The following APBB2 variants were observed in gnomAD, a reference collection of about 807,000 sequenced individuals.
APBB2 encodes amyloid beta precursor protein binding family B member 2.
Under a neutral mutation model 82.5 loss-of-function variants are expected in APBB2, and 38 were observed. The observed-to-expected ratio is 0.46, with a 90% CI of 0.36 to 0.60. The LOEUF (loss-of-function observed/expected upper bound fraction) is 0.60. Ranked by LOEUF, APBB2 falls within the 20% of genes least tolerant of loss-of-function variation. The probability of loss-of-function intolerance (pLI) is 0.00; values close to 1 mark genes in which losing one functional copy is unlikely to be tolerated. For missense variants in APBB2, 772 were observed against 972.3 expected (o/e 0.79, Z 2.74); for synonymous variants, 341 against 368.2 (o/e 0.93, Z 0.85).
chr4:41,006,370 C>A (rs1806735662), intron 6 of APBB2, among the ~76,000 whole-genome samples: 1 of 152,204 alleles, frequency 6.6e-6, no homozygotes, highest in African/African-American at 2.4e-5. Flanking sequence ...AACAGGAAGG[C>A]TAGTGAGTCA....
In APBB2 at chr4:41,013,955, G is replaced by T. The variant is rs2154429767; in HGVS notation, c.463C>A (p.Pro155Thr). The T allele has an allele frequency of 1.2e-6, 2 of 1,614,198 alleles. No homozygotes were observed. Among genetic ancestry groups the T allele is most frequent in the East Asian group, 4.5e-5 (2 of 44,880 alleles). The change falls in exon 6 of 18, where the codon CCC becomes ACC. Residue 155 changes from proline to threonine, a missense_variant. Pro to Thr is a conservative substitution (Grantham distance 38). Coordinates refer to ENST00000508593, the MANE Select transcript of APBB2 (RefSeq NM_004307.2). ...SSSCEILPSQ[P>T]RRTKSFLNYY... Reference sequence around the variant, plus strand: ...TTTAGGAAGCTCTTAGTTCTCCTGGGCTGGGAGGGTAAAATCTCACAGCTC... The same window carrying T: ...TTTAGGAAGCTCTTAGTTCTCCTGGTCTGGGAGGGTAAAATCTCACAGCTC...
intron 4 of APBB2, among the ~76,000 whole-genome samples, chr4:41,054,688 C>A (rs937233567): frequency 2.6e-5 from 4 of 152,078 alleles, no homozygotes; most frequent in African/African-American, 4.8e-5. Flanking sequence ...GTTCTTCTCT[C>A]TATATAAAGT....
rs1198337141 is a variant in APBB2 at position 40,826,648 on chromosome 4, TC to T, written c.1732+483del. The T allele has an allele frequency of 6.4e-6, 1 of 156,726 alleles. No individual in the cohort carries two copies. The highest frequency in any genetic ancestry group is 1.9e-4 in the East Asian group (1 of 5,240). 9.7% of individuals were successfully genotyped at this position (156,726 alleles called of 1,614,324 possible). On this transcript the variant is annotated intron_variant, in intron 14 of 17. Coordinates refer to ENST00000508593, the MANE Select transcript of APBB2 (RefSeq NM_004307.2). This position sits in a 1 kb window ranked among gnomAD's most constrained non-coding sequence, Gnocchi z 4.5. ...GAACCACCGCGCCTGGCCCATGTTT[TC>T]TTTTTTTAAGATTAGTCAAGTATAG...
intron 2 of APBB2, among the ~76,000 whole-genome samples, chr4:41,104,353 G>A (rs998700365): frequency 6.6e-6 from 1 of 152,188 alleles, no homozygotes; most frequent in Non-Finnish European, 1.5e-5. Context: ...ATCACATTAA[G>A]AACTGAAGGC....
At chr4:40,954,903 G>A (rs909535967) in intron 6 of APBB2, among the ~76,000 whole-genome samples, 19 of 152,040 alleles carry the variant, frequency 1.2e-4, no homozygotes, top group Non-Finnish European at 2.4e-4. Context: ...CGCCCGCCTC[G>A]GCCTCCCTAA....
At chr4:40,971,662 A>G (rs1473262186) in intron 6 of APBB2, among the ~76,000 whole-genome samples, 1 of 152,224 alleles carries the variant, frequency 6.6e-6, no homozygotes, top group Non-Finnish European at 1.5e-5. Flanking sequence ...AGAACTTAAG[A>G]GGCCTGAAGG....
chr4:41,064,074 G>T (rs994120511), intron 4 of APBB2, among the ~76,000 whole-genome samples: 1 of 150,114 alleles, frequency 6.7e-6, no homozygotes, highest in African/African-American at 2.5e-5. Flanking sequence ...CGCTTCCCGG[G>T]TTCACGCCAT....
intron 1 of APBB2, among the ~76,000 whole-genome samples, chr4:41,189,018 T>C (rs983797904): frequency 2.0e-5 from 3 of 152,134 alleles, no homozygotes; most frequent in African/African-American, 7.2e-5. Flanking sequence ...CCCTTACAAT[T>C]CAGCAATCCT....
chr4:41,173,897 T>C (rs1354201172), intron 1 of APBB2, among the ~76,000 whole-genome samples: 1 of 152,210 alleles, frequency 6.6e-6, no homozygotes, highest in Non-Finnish European at 1.5e-5. Flanking sequence ...AAGTATTATA[T>C]GCCACAATAC....
intron 4 of APBB2, among the ~76,000 whole-genome samples, chr4:41,039,534 T>C (rs1282398206): frequency 6.6e-6 from 1 of 152,200 alleles, no homozygotes; most frequent in East Asian, 1.9e-4. Flanking sequence ...TTGTTTTGCT[T>C]AGTGTCTAGC....
In APBB2 at chr4:41,013,848, G is replaced by A. The variant is rs745843763; in HGVS notation, c.570C>T (p.Ser190=). ...TGGAGGCCTGGCCCTGGACTGGCTG[G>A]GATTTCTCTTCCGCAGTCCCATGGT... The part of the protein sequence containing the change: ...GNHHGTAEEK[S]QPVQGQASTI... The change falls in exon 6 of 18, where the codon TCC becomes TCT. Residue 190 remains serine (S), a synonymous_variant. Transcript: ENST00000508593. 1 of 1,614,160 alleles carries A rather than the reference G, an allele frequency of 6.2e-7. No individual in the cohort carries two copies. The highest frequency in any genetic ancestry group is 2.2e-5 in the East Asian group (1 of 44,874).
rs143420483 is a variant in APBB2, at chr4:41,186,832, C to A, written c.-417+27573G>T. 3.8e-3 allele frequency among the ~76,000 whole-genome samples: 572 copies of A among 152,294 alleles called. 3 individuals are homozygous for A. The highest frequency in any genetic ancestry group is 0.013 in the African/African-American group (527 of 41,558). On this transcript the variant is annotated intron_variant, in intron 1 of 17. Transcript: ENST00000508593. ...AGGTAGGTATTAATCGATAAACATGCTCAATGCCATACAACTAGGACATTA... is the reference window on the plus strand; with the variant it reads ...AGGTAGGTATTAATCGATAAACATGATCAATGCCATACAACTAGGACATTA...
intron 4 of APBB2, among the ~76,000 whole-genome samples, chr4:41,048,442 T>C (rs771866569): frequency 3.9e-5 from 6 of 152,230 alleles, no homozygotes; most frequent in Non-Finnish European, 8.8e-5. Context: ...ACTTCATATA[T>C]ATTAACCACT....
Position 41,032,075 on chromosome 4 carries a change from T to A in APBB2, c.19+1161A>T, listed in dbSNP as rs1397961267. Among the ~76,000 whole-genome samples, 3 of 152,192 alleles carry A rather than the reference T, an allele frequency of 2.0e-5. No individual in the cohort carries two copies. The East Asian group carries it at 5.8e-4, about 29-fold the overall frequency. On this transcript the variant is annotated intron_variant, in intron 5 of 17. Coordinates refer to ENST00000508593, the MANE Select transcript of APBB2 (RefSeq NM_004307.2). ...TCTCATATACCTCTGCTGAGCTTAG[T>A]GTTTATGTTTTATTTTAGTTCTTTG...
At chr4:41,068,837 C>A (rs1263480669) in intron 3 of APBB2, among the ~76,000 whole-genome samples, 2 of 132,746 alleles carry the variant, frequency 1.5e-5, no homozygotes, top group Non-Finnish European at 3.1e-5. Context: ...CGCTCTGTTG[C>A]CAGGCTGGAG....
chr4:41,044,186 C>T (rs1358264974), intron 4 of APBB2, among the ~76,000 whole-genome samples: 2 of 152,180 alleles, frequency 1.3e-5, no homozygotes, highest in Non-Finnish European at 2.9e-5. Flanking sequence ...TCATCTACCA[C>T]TTGGTTTTCC....
chr4:40,835,848 A>G (rs1316555084), intron 12 of APBB2, among the ~76,000 whole-genome samples: 1 of 152,156 alleles, frequency 6.6e-6, no homozygotes, highest in Non-Finnish European at 1.5e-5. Flanking sequence ...AGACAGATGG[A>G]AGAGGTGTTG....
chr4:40,988,433 C>T (rs973403026), intron 6 of APBB2, among the ~76,000 whole-genome samples: 7 of 151,630 alleles, frequency 4.6e-5, no homozygotes, highest in African/African-American at 1.2e-4. Context: ...GTCAGGAGTT[C>T]GAGACCAGTC....
chr4:40,825,863 A>T, intron 15 of APBB2, 24 bp downstream of exon 15: 2 of 1,605,662 alleles, frequency 1.2e-6, no homozygotes, highest in Non-Finnish European at 1.7e-6. Flanking sequence ...TGCAAAGTGG[A>T]AAGACAATAA....
Sources: allele counts gnomAD v4.1 joint callset (sites outside exome capture counted in the v4.1 genomes callset), GRCh38; gene constraint gnomAD v4.1.1; non-coding constraint Gnocchi (gnomAD v3.1); transcripts MANE v1.5; gene names NCBI Gene and HGNC (gene_info 2026-07-23, HGNC 2026-07-21).